The following SYN2 variants were observed in gnomAD, a reference collection of about 807,000 sequenced individuals.
SYN2 encodes the protein synapsin-2.
SYN2 carries 19 observed loss-of-function variants against 50.9 expected under a neutral mutation model. The observed-to-expected ratio is 0.37, with a 90% CI of 0.26 to 0.55. The LOEUF (loss-of-function observed/expected upper bound fraction) is 0.55. Among genes scored for constraint, SYN2 ranks in the 20% least tolerant of loss-of-function variants. SYN2 has a pLI of 0.81. For missense variants in SYN2, 587 were observed against 576.4 expected (o/e 1.02, Z -0.19); for synonymous variants, 255 against 224.9 (o/e 1.13, Z -1.20).
intron 1 of SYN2, among the ~76,000 whole-genome samples, chr3:12,083,126 C>G (rs1695616155): frequency 6.6e-6 from 1 of 152,164 alleles, no homozygotes; most frequent in Non-Finnish European, 1.5e-5. Flanking sequence ...ATTGTCCTGC[C>G]TCAGCCTCCT....
chr3:12,005,044 C>T (rs933605049), intron 1 of SYN2, 116 bp downstream of exon 1: 14 of 383,362 alleles, frequency 3.7e-5, no homozygotes, highest in African/African-American at 2.7e-4. Flanking sequence ...AGGAGGGTCC[C>T]CGAGGTCCCG....
chr3:12,134,592 C>G (rs1346580123), intron 1 of SYN2, among the ~76,000 whole-genome samples: 4 of 152,348 alleles, frequency 2.6e-5, no homozygotes, highest in Non-Finnish European at 4.4e-5. Flanking sequence ...GAGAATGGCT[C>G]CCTCCTTTGG....
intron 5 of SYN2, chr3:12,158,742 G>T: frequency 6.2e-7 from 1 of 1,609,084 alleles, no homozygotes. Context: ...GGTGCGCCGG[G>T]GCGCAGCTGC....
chr3:12,027,780 A>G (rs1694292911), intron 1 of SYN2, among the ~76,000 whole-genome samples: 1 of 152,152 alleles, frequency 6.6e-6, no homozygotes, highest in Non-Finnish European at 1.5e-5. Flanking sequence ...CTTTCAATTC[A>G]TGCCTCTGAG....
chr3:12,170,530 A>G (rs2125244429), intron 10 of SYN2, among the ~76,000 whole-genome samples: 1 of 152,338 alleles, frequency 6.6e-6, no homozygotes, highest in East Asian at 1.9e-4. Context: ...AATCCACACT[A>G]AAGTTTTGTG....
chr3:12,157,381 G>C (rs760168371), intron 5 of SYN2: 1 of 1,613,862 alleles, frequency 6.2e-7, no homozygotes. Flanking sequence ...CTGCCCCCAT[G>C]TACCTTTATC....
At chr3:12,036,836 C>T (rs1329495916) in intron 1 of SYN2, among the ~76,000 whole-genome samples, 1 of 152,192 alleles carries the variant, frequency 6.6e-6, no homozygotes, top group Non-Finnish European at 1.5e-5. Context: ...CTTTCCTTCT[C>T]CTTCCCTTTT....
chr3:12,014,712 T>C (rs559039031), intron 1 of SYN2, among the ~76,000 whole-genome samples: 1 of 152,318 alleles, frequency 6.6e-6, no homozygotes, highest in African/African-American at 2.4e-5. Context: ...TCTTTCTCTT[T>C]AGTGAAAAAG....
intron 1 of SYN2, among the ~76,000 whole-genome samples, chr3:12,017,146 A>G (rs1694043013): frequency 6.6e-6 from 1 of 152,156 alleles, no homozygotes. Context: ...GCATAACATC[A>G]GTAATGAGTA....
At chr3:12,051,641 AGT>A (rs1458595345) in intron 1 of SYN2, among the ~76,000 whole-genome samples, 2 of 152,232 alleles carry the variant, frequency 1.3e-5, no homozygotes, top group Non-Finnish European at 2.9e-5. Flanking sequence ...CTAAACTTCA[AGT>A]AGATCTCAGG....
At chr3:12,122,555 A>G (rs1015926872) in intron 1 of SYN2, among the ~76,000 whole-genome samples, 1 of 152,194 alleles carries the variant, frequency 6.6e-6, no homozygotes, top group African/African-American at 2.4e-5. Context: ...ACCCTCAGTA[A>G]AGTGGCAGAT....
At chr3:12,098,080 C>T (rs916576498) in intron 1 of SYN2, among the ~76,000 whole-genome samples, 2 of 152,080 alleles carry the variant, frequency 1.3e-5, no homozygotes, top group Admixed American at 1.3e-4. Context: ...AGTTTGAACA[C>T]ACCATAATCA....
At chr3:12,057,124 T>C (rs1695007672) in intron 1 of SYN2, among the ~76,000 whole-genome samples, 1 of 152,092 alleles carries the variant, frequency 6.6e-6, no homozygotes, top group South Asian at 2.1e-4. Flanking sequence ...AAAACCCATC[T>C]CTACTAAAAA....
chr3:12,151,815 A>G (rs1447707554), intron 5 of SYN2, among the ~76,000 whole-genome samples: 2 of 152,218 alleles, frequency 1.3e-5, no homozygotes, highest in Non-Finnish European at 2.9e-5. Flanking sequence ...TCCTACTATT[A>G]TTAATCCCCT....
At position 12,187,483 on chromosome 3, in the gene SYN2, CCT is replaced by C; in HGVS notation, c.1486_1487del (p.Ser496GlyfsTer55). On this transcript the variant is annotated frameshift_variant, in exon 12 of 13. Transcript: ENST00000621198. LOFTEE classifies it high-confidence loss of function. ...TCCTCTTCCTCCTCTTCTTCCTCCT[CCT>C]CGGCTCCTCAGCGGCCGGGCGGCCC... is the stretch of plus-strand genomic sequence containing the variant. The C allele has an allele frequency of 6.4e-7, 1 of 1,554,180 alleles. No individual in the cohort carries two copies.
At chr3:12,153,323 G>A in intron 5 of SYN2, 1 of 635,330 alleles carries the variant, frequency 1.6e-6, no homozygotes, top group South Asian at 1.8e-5. Context: ...TGGGAGGCAG[G>A]GGCAACAGGC....
chr3:12,093,285 TG>T (rs1173940317), intron 1 of SYN2, among the ~76,000 whole-genome samples: 2 of 152,208 alleles, frequency 1.3e-5, no homozygotes, highest in African/African-American at 4.8e-5. Flanking sequence ...GTGGTCTCTG[TG>T]GGTTTTTAAT....
At chr3:12,005,775 A>G (rs62240361) in intron 1 of SYN2, among the ~76,000 whole-genome samples, 93,594 of 151,678 alleles carry the variant, frequency 0.62, 31,047 homozygotes, top group South Asian at 0.77. Context: ...TTTTTCTTCT[A>G]AAGAGATAGG....
intron 1 of SYN2, among the ~76,000 whole-genome samples, chr3:12,074,988 G>C (rs1019134639): frequency 6.6e-6 from 1 of 152,122 alleles, no homozygotes; most frequent in East Asian, 1.9e-4. Context: ...AAAGGAACTT[G>C]AAAATGCCAT....
Sources: gnomAD v4.1 joint callset for allele counts (sites outside exome capture counted in the v4.1 genomes callset) on GRCh38, gnomAD v4.1.1 for gene constraint, MANE v1.5 for transcripts, NCBI Gene and HGNC (gene_info 2026-07-23, HGNC 2026-07-21) for gene names.